CCDC88C: variants seen among roughly 807,000 people sequenced by gnomAD.
CCDC88C encodes the protein protein Daple.
In CCDC88C, 131 loss-of-function variants were observed where a neutral mutation model predicts 198.8. The observed-to-expected ratio is 0.66, with a 90% CI of 0.57 to 0.76. The LOEUF is 0.76. CCDC88C is among the 30% of genes least tolerant of loss of function. CCDC88C has a pLI of 0.00. For synonymous variants in CCDC88C, 1,166 were observed against 1,114.7 expected (o/e 1.05, Z -0.92); for missense variants, 2,553 against 2,631.6 (o/e 0.97, Z 0.65).
chr14:91,384,260 G>A (rs976398063), intron 3 of CCDC88C: 7 of 355,746 alleles, frequency 2.0e-5, no homozygotes, highest in Non-Finnish European at 3.7e-5. Flanking sequence ...AACATAGCGA[G>A]ACCCCCATCT....
At chr14:91,305,061 G>A (rs1596048327) in intron 19 of CCDC88C, among the ~76,000 whole-genome samples, 1 of 152,138 alleles carries the variant, frequency 6.6e-6, no homozygotes, top group South Asian at 2.1e-4. Flanking sequence ...GGCTAACTTC[G>A]TGAAATCCCA....
chr14:91,302,903 G>C (rs2139778800), intron 20 of CCDC88C, among the ~76,000 whole-genome samples: 1 of 152,152 alleles, frequency 6.6e-6, no homozygotes, highest in East Asian at 1.9e-4. Flanking sequence ...GGAGAAAAGA[G>C]ACAGAAGAGA....
rs1038770783 is a variant in CCDC88C at position 91,371,452 on chromosome 14, G to C, written c.271-11741C>G. 2.0e-5 allele frequency among the ~76,000 whole-genome samples: 3 copies of C among 152,000 alleles called. No homozygotes were observed. Among genetic ancestry groups the C allele is most frequent in the Non-Finnish European group, 4.4e-5 (3 of 67,972 alleles). On this transcript the variant is annotated intron_variant, in intron 3 of 29. Transcript: ENST00000389857. The surrounding 1 kb of genome is among the most constrained non-coding windows in gnomAD (Gnocchi z 4.2). ...ATGGGAGGAGCCATGTGCTGTCCAG[G>C]CCCAGCCAACCTCACCCGCCGGTGG...
chr14:91,400,870 G>C (rs1233572838), intron 3 of CCDC88C, among the ~76,000 whole-genome samples: 7 of 152,104 alleles, frequency 4.6e-5, no homozygotes. Flanking sequence ...TTTGACCTAG[G>C]AACTCCCTGC....
chr14:91,377,514 G>C lies in CCDC88C; in HGVS notation c.271-17803C>G, dbSNP rs79274114. Among the ~76,000 whole-genome samples the C allele has an allele frequency of 9.7e-3, 1,471 of 152,232 alleles. 10 individuals are homozygous for C. Among genetic ancestry groups the C allele is most frequent in the Non-Finnish European group, 0.015 (1,010 of 68,002 alleles). On this transcript the variant is annotated intron_variant, in intron 3 of 29. Coordinates refer to ENST00000389857, the MANE Select transcript of CCDC88C (RefSeq NM_001080414.4). ...ATCATGGGACTCGTCGTCAGTTCTT[G>C]AGAGTCCAGATCTCTTGCTAAATGC...
At chr14:91,293,511 T>G (rs66785757) in intron 23 of CCDC88C, among the ~76,000 whole-genome samples, 1 of 9,730 alleles carries the variant, frequency 1.0e-4, no homozygotes, top group African/African-American at 5.8e-4. Context: ...TGCCACGGCC[T>G]ACCTTCCTGT....
chr14:91,354,331 C>T (rs12589229), intron 4 of CCDC88C, among the ~76,000 whole-genome samples: 42,548 of 152,146 alleles, frequency 0.28, 6,225 homozygotes, highest in Non-Finnish European at 0.33. Flanking sequence ...ACAGGCCTGG[C>T]TGCTGAGCAA....
At chr14:91,308,588 C>G in intron 16 of CCDC88C, 96 bp from the exon 17 acceptor site, 1 of 1,299,584 alleles carries the variant, frequency 7.7e-7, no homozygotes, top group Non-Finnish European at 1.1e-6. Flanking sequence ...TTCCATTAGG[C>G]TGGGTTACGG....
intron 27 of CCDC88C, among the ~76,000 whole-genome samples, chr14:91,280,873 G>A (rs950712612): frequency 3.9e-5 from 6 of 152,150 alleles, no homozygotes; most frequent in South Asian, 2.1e-4. Flanking sequence ...TACACTTACC[G>A]AGCCTTTCAC....
chr14:91,292,051 C>A lies in CCDC88C; in HGVS notation c.4113-967G>T, dbSNP rs562851424. On this transcript the variant is annotated intron_variant, in intron 23 of 29. Coordinates refer to ENST00000389857, the MANE Select transcript of CCDC88C (RefSeq NM_001080414.4). ...TTGGTTTCCTCGTCTGAAAACGAGGCCTTACATGAGAGGTAACAGCTCATT... is the reference window on the plus strand; with the variant it reads ...TTGGTTTCCTCGTCTGAAAACGAGGACTTACATGAGAGGTAACAGCTCATT... Among the ~76,000 whole-genome samples the A allele has an allele frequency of 2.0e-4, 31 of 152,300 alleles. 1 individual carries two copies. The South Asian group carries it at 6.2e-3, about 31-fold the overall frequency.
intron 22 of CCDC88C, among the ~76,000 whole-genome samples, chr14:91,294,922 T>G (rs1458794879): frequency 2.0e-5 from 3 of 152,170 alleles, no homozygotes; most frequent in African/African-American, 7.2e-5. Flanking sequence ...CCTCCCAAAG[T>G]GCTGGGATTA....
intron 3 of CCDC88C, among the ~76,000 whole-genome samples, chr14:91,402,647 A>C (rs571029597): frequency 2.0e-5 from 3 of 152,348 alleles, no homozygotes; most frequent in South Asian, 4.1e-4. Context: ...GGAGAGGACA[A>C]CAGGGCTTAG....
chr14:91,402,482 G>T (rs759972519), intron 3 of CCDC88C, among the ~76,000 whole-genome samples: 3 of 152,178 alleles, frequency 2.0e-5, no homozygotes, highest in Non-Finnish European at 4.4e-5. Context: ...TGGAAGTCTC[G>T]AAGAAAGATC....
chr14:91,364,151 G>A (rs542884167), intron 3 of CCDC88C, among the ~76,000 whole-genome samples: 1 of 152,362 alleles, frequency 6.6e-6, no homozygotes, highest in East Asian at 1.9e-4. Flanking sequence ...GCCTCGCTGA[G>A]GCCTCTGTCT....
chr14:91,360,353 T>A (rs1894254393), intron 3 of CCDC88C, among the ~76,000 whole-genome samples: 1 of 151,460 alleles, frequency 6.6e-6, no homozygotes, highest in Admixed American at 6.6e-5. Flanking sequence ...GAGGCTGAGG[T>A]GGAACAATCG....
chr14:91,379,760 G>A, intron 3 of CCDC88C: 1 of 695,204 alleles, frequency 1.4e-6, no homozygotes, highest in East Asian at 2.7e-5. Context: ...CACACCCCGT[G>A]CCCGGGCCTC....
intron 3 of CCDC88C, among the ~76,000 whole-genome samples, chr14:91,392,100 G>A (rs1471900780): frequency 6.6e-6 from 1 of 151,918 alleles, no homozygotes; most frequent in Admixed American, 6.6e-5. Flanking sequence ...GGGCCTCCAG[G>A]GTAGCAGCTC....
At chr14:91,316,653 C>T (rs928957721) in intron 13 of CCDC88C, among the ~76,000 whole-genome samples, 10 of 152,160 alleles carry the variant, frequency 6.6e-5, no homozygotes, top group Admixed American at 2.0e-4. Flanking sequence ...ACAGGTGATC[C>T]GCCTGCCTCG....
intron 3 of CCDC88C, among the ~76,000 whole-genome samples, chr14:91,378,011 G>C (rs1202698045): frequency 6.9e-6 from 1 of 145,026 alleles, no homozygotes; most frequent in East Asian, 1.9e-4. Context: ...AAGAAGAGGA[G>C]AGTGGTACAG....
Sources: gnomAD v4.1 joint callset for allele counts (sites outside exome capture counted in the v4.1 genomes callset) on GRCh38, gnomAD v4.1.1 for gene constraint, Gnocchi (gnomAD v3.1) non-coding constraint, MANE v1.5 for transcripts, NCBI Gene and HGNC (gene_info 2026-07-23, HGNC 2026-07-21) for gene names.